Variants in SPATS2L observed in about 807,000 individuals in gnomAD.
The protein encoded by SPATS2L is spermatogenesis associated serine rich 2 like.
SPATS2L carries 30 observed loss-of-function variants against 59.6 expected under a neutral mutation model. The ratio of observed to expected loss-of-function variants is 0.50; its 90% confidence interval spans 0.38 to 0.68. The LOEUF is 0.68. Among genes scored for constraint, SPATS2L ranks in the 30% least tolerant of loss-of-function variants. The pLI, the probability that SPATS2L is intolerant of heterozygous loss-of-function variation, is 0.00. For missense variants in SPATS2L, 615 were observed against 700.0 expected (o/e 0.88, Z 1.37); for synonymous variants, 252 against 263.5 (o/e 0.96, Z 0.42).
At chr2:200,381,012 T>C (rs1204340418) in intron 2 of SPATS2L, among the ~76,000 whole-genome samples, 1 of 152,132 alleles carries the variant, frequency 6.6e-6, no homozygotes, top group Non-Finnish European at 1.5e-5. Flanking sequence ...ATAAGAGACC[T>C]GAGTCATTAC....
chr2:200,306,965 A>G, intron 1 of SPATS2L, 43 bp downstream of exon 1: 1 of 982,380 alleles, frequency 1.0e-6, no homozygotes, highest in South Asian at 4.7e-5. Context: ...CTGGGGATGC[A>G]GGGCGCGGGC....
At chr2:200,457,083 T>G (rs1281765523) in intron 8 of SPATS2L, among the ~76,000 whole-genome samples, 2 of 152,050 alleles carry the variant, frequency 1.3e-5, no homozygotes. Context: ...TAACCATATA[T>G]TTGTAGTTTG....
intron 9 of SPATS2L, among the ~76,000 whole-genome samples, chr2:200,463,714 G>A (rs1017067709): frequency 2.6e-5 from 4 of 152,120 alleles, no homozygotes; most frequent in Non-Finnish European, 4.4e-5. Flanking sequence ...CTAGAGATAC[G>A]GGAAGAAAAC....
At chr2:200,472,694 C>A (rs2087148979) in intron 11 of SPATS2L, 138 bp from the exon 12 acceptor site, 1 of 725,246 alleles carries the variant, frequency 1.4e-6, no homozygotes, top group Non-Finnish European at 2.3e-6. Flanking sequence ...TTTCAAATAA[C>A]ATCTTTCAAA....
Position 200,440,712 on chromosome 2 carries a change from G to A in SPATS2L, c.716G>A (p.Arg239His), listed in dbSNP as rs750329896. Residue 239 changes from arginine to histidine, a missense_variant, in exon 8 of 13, where the codon CGC (arginine) becomes CAC (histidine). Arg to His is a conservative substitution (Grantham distance 29). Around this residue, in one of 3 missense-constraint regions of SPATS2L, gnomAD observed 104 missense variants for 162.5 expected, o/e 0.64. Transcript: ENST00000409140. ...TGCACCGTTTCTCTAACTAGATATC[G>A]CGTCATGATTAAGGAAGAAGTGGAT... is the stretch of plus-strand genomic sequence containing the variant. ...QRCTVSLTRY[R>H]VMIKEEVDSS... is the part of the protein sequence containing the mutation. 23 of 1,613,506 alleles carry A rather than the reference G, an allele frequency of 1.4e-5. No homozygotes were observed. Among genetic ancestry groups the A allele is most frequent in the African/African-American group, 8.0e-5 (6 of 74,876 alleles).
intron 1 of SPATS2L, among the ~76,000 whole-genome samples, chr2:200,327,860 G>GCA (rs3036483): frequency 0.38 from 57,329 of 150,370 alleles, 12,013 homozygotes; most frequent in East Asian, 0.72. Flanking sequence ...GCGTGTGCGG[G>GCA]CACACACACA....
intron 3 of SPATS2L, chr2:200,393,138 T>C (rs1204746793): frequency 8.8e-6 from 4 of 452,048 alleles, no homozygotes; most frequent in Admixed American, 7.1e-5. Flanking sequence ...TGATCGAGGA[T>C]TGGCAGCCCC....
intron 1 of SPATS2L, among the ~76,000 whole-genome samples, chr2:200,313,906 T>C (rs919925922): frequency 6.6e-6 from 1 of 152,176 alleles, no homozygotes; most frequent in African/African-American, 2.4e-5. Flanking sequence ...TTCTGAGTTA[T>C]CCATTTCTCC....
At position 200,479,475 on chromosome 2, in the gene SPATS2L, A is replaced by G. The variant is rs2087728812; in HGVS notation, c.*1444A>G. On this transcript the variant is annotated 3_prime_UTR_variant, in exon 13 of 13. Coordinates refer to ENST00000409140, the MANE Select transcript of SPATS2L (RefSeq NM_001100423.2). ...GAATGGGATGAACTAATTTGCATAG[A>G]CTAATTAGAGCCCACCCCTGGAGCC... 2 of 398,268 alleles carry G rather than the reference A, an allele frequency of 5.0e-6. No individual in the cohort carries two copies. The highest frequency in any genetic ancestry group is 8.8e-6 in the Non-Finnish European group (2 of 226,038). The allele number at this position is 398,268 out of a possible 1,614,324, so 24.7% of individuals were successfully genotyped here. A position where few individuals can be genotyped will look rare whatever the true frequency, so the allele number is the denominator to read the frequency against.
At chr2:200,382,434 G>A (rs2081849057) in intron 2 of SPATS2L, among the ~76,000 whole-genome samples, 1 of 152,192 alleles carries the variant, frequency 6.6e-6, no homozygotes, top group South Asian at 2.1e-4. Flanking sequence ...GAGTGGAGTG[G>A]TTTCGCACTG....
At chr2:200,316,484 A>G (rs191182554) in intron 1 of SPATS2L, among the ~76,000 whole-genome samples, 1 of 152,314 alleles carries the variant, frequency 6.6e-6, no homozygotes, top group Admixed American at 6.5e-5. Context: ...AGGATCTAGG[A>G]CCAGTTTAGG....
At chr2:200,476,287 C>T (rs893872228) in intron 12 of SPATS2L, among the ~76,000 whole-genome samples, 1 of 152,030 alleles carries the variant, frequency 6.6e-6, no homozygotes, top group African/African-American at 2.4e-5. Context: ...TGTGAAAATA[C>T]ACCTTATTTC....
At chr2:200,430,602 TC>T (rs780891829) in intron 6 of SPATS2L, among the ~76,000 whole-genome samples, 5 of 152,186 alleles carry the variant, frequency 3.3e-5, no homozygotes, top group Non-Finnish European at 7.3e-5. Flanking sequence ...GAACATTACT[TC>T]ATATCATTAA....
At chr2:200,307,010 C>T (rs978595211) in intron 1 of SPATS2L, 88 bp downstream of exon 1, 1 of 969,268 alleles carries the variant, frequency 1.0e-6, no homozygotes, top group South Asian at 4.8e-5. Flanking sequence ...GGGACGGAGA[C>T]TCGGCTGGGC....
intron 2 of SPATS2L, chr2:200,371,964 T>A (rs1402604551): frequency 2.2e-6 from 2 of 920,962 alleles, no homozygotes; most frequent in African/African-American, 1.8e-5. Flanking sequence ...TTGAGGCATT[T>A]CTGGCCCTGC....
chr2:200,341,628 A>AAGGG (rs2080327555), intron 2 of SPATS2L, among the ~76,000 whole-genome samples: 2 of 152,038 alleles, frequency 1.3e-5, no homozygotes, highest in African/African-American at 4.8e-5. Context: ...TTCACAATGA[A>AAGGG]AGGGATCCTT....
rs1426689439 is a variant in SPATS2L at position 200,441,350 on chromosome 2, A to G, written c.788+566A>G. ...CCCTGTATATTTGCTCATGTCTACA[A>G]TTGAAATGATATATCTGTTAATAAA... On this transcript the variant is annotated intron_variant, in intron 8 of 12. Coordinates refer to ENST00000409140, the MANE Select transcript of SPATS2L (RefSeq NM_001100423.2). 3.3e-5 allele frequency among the ~76,000 whole-genome samples: 5 copies of G among 152,274 alleles called. No individual in the cohort carries two copies. In the East Asian group the frequency reaches 9.7e-4, roughly 29 times the overall value.
chr2:200,426,096 T>G (rs2083561490), intron 6 of SPATS2L, among the ~76,000 whole-genome samples: 1 of 137,948 alleles, frequency 7.2e-6, no homozygotes, highest in Non-Finnish European at 1.6e-5. Context: ...TTTTTTTTTT[T>G]TTTTTTTTTT....
intron 1 of SPATS2L, among the ~76,000 whole-genome samples, chr2:200,326,901 A>ATTTTTTTT (rs755351538): frequency 1.0e-5 from 1 of 99,074 alleles, no homozygotes; most frequent in African/African-American, 3.7e-5. Flanking sequence ...TGCCCGGCTA[A>ATTTTTTTT]TTTTTTTTTT....
Sources: gnomAD v4.1 joint callset for allele counts (sites outside exome capture counted in the v4.1 genomes callset) on GRCh38, gnomAD v4.1.1 for gene constraint, gnomAD v4.1.1 regional missense constraint, MANE v1.5 for transcripts, NCBI Gene and HGNC (gene_info 2026-07-23, HGNC 2026-07-21) for gene names.